The following BTBD1 variants were observed in gnomAD, a reference collection of about 807,000 sequenced individuals.
BTBD1 encodes BTB/POZ domain-containing protein 1.
In BTBD1, 34 loss-of-function variants were observed where a neutral mutation model predicts 48.0. The ratio of observed to expected loss-of-function variants is 0.71; its 90% CI spans 0.54 to 0.94. The LOEUF is 0.94. Among genes scored for constraint, BTBD1 ranks in the 40% least tolerant of loss-of-function variants. BTBD1 has a pLI of 0.00. For synonymous variants in BTBD1, 261 were observed against 242.1 expected (o/e 1.08, Z -0.72); for missense variants, 543 against 625.6 (o/e 0.87, Z 1.41).
chr15:83,024,099 G>A (rs1202177351), intron 5 of BTBD1: 1 of 152,064 alleles, frequency 6.6e-6, no homozygotes, highest in Non-Finnish European at 1.5e-5. Flanking sequence ...TGGAACTCCT[G>A]AGCGCAACAG....
intron 2 of BTBD1, among the ~76,000 whole-genome samples, chr15:83,051,570 C>A (rs2032982615): frequency 6.6e-6 from 1 of 150,810 alleles, no homozygotes; most frequent in South Asian, 2.1e-4. Context: ...CTAGATTATA[C>A]ACTGAGCCTG....
At chr15:83,026,749 C>T (rs1255354963) in intron 5 of BTBD1, among the ~76,000 whole-genome samples, 1 of 151,828 alleles carries the variant, frequency 6.6e-6, no homozygotes, top group African/African-American at 2.4e-5. Flanking sequence ...CTCGAGCTCC[C>T]GACCTGAGGT....
intron 5 of BTBD1, among the ~76,000 whole-genome samples, chr15:83,029,020 A>G (rs942483344): frequency 6.6e-6 from 1 of 152,052 alleles, no homozygotes; most frequent in Admixed American, 6.6e-5. Flanking sequence ...TGAATGCTTA[A>G]ATCATTTATT....
At chr15:83,029,530 T>A (rs1321379248) in intron 5 of BTBD1, 1 of 152,060 alleles carries the variant, frequency 6.6e-6, no homozygotes, top group Non-Finnish European at 1.5e-5. Context: ...TAACGTTTGA[T>A]CAATTAAGGT....
At chr15:83,055,029 T>C (rs2033059185) in intron 2 of BTBD1, among the ~76,000 whole-genome samples, 1 of 152,184 alleles carries the variant, frequency 6.6e-6, no homozygotes, top group African/African-American at 2.4e-5. Context: ...TCAATAATTA[T>C]TTCCAGTACT....
chr15:83,021,685 A>T (rs12913130), intron 5 of BTBD1, among the ~76,000 whole-genome samples: 64,250 of 151,298 alleles, frequency 0.42, 14,184 homozygotes, highest in Middle Eastern at 0.53. Context: ...ACCTGGGAGA[A>T]GGAAGCTGCA....
chr15:83,049,455 C>T (rs112117790), intron 3 of BTBD1, among the ~76,000 whole-genome samples: 2 of 152,182 alleles, frequency 1.3e-5, no homozygotes, highest in African/African-American at 4.8e-5. Flanking sequence ...ATATCAGAAC[C>T]TCCTCTGTCA....
chr15:83,056,863 A>G (rs150985160), intron 1 of BTBD1, among the ~76,000 whole-genome samples: 459 of 152,000 alleles, frequency 3.0e-3, no homozygotes, highest in Non-Finnish European at 4.8e-3. Flanking sequence ...ACACCTGGCT[A>G]ATTTTTTATT....
At chr15:83,023,513 G>A (rs1276551147) in intron 5 of BTBD1, among the ~76,000 whole-genome samples, 1 of 151,888 alleles carries the variant, frequency 6.6e-6, no homozygotes. Flanking sequence ...CTGAGTATCT[G>A]GGACCACAGG....
Position 83,030,213 on chromosome 15 carries a change from C to G in BTBD1, c.978G>C (p.Arg326Ser). 1 of 1,614,062 alleles carries G rather than the reference C, an allele frequency of 6.2e-7. No homozygotes were observed. The highest frequency in any genetic ancestry group is 1.3e-5 in the African/African-American group (1 of 74,968). Residue 326 changes from arginine (R) to serine (S), a missense_variant, in exon 5 of 8, where the codon AGG (arginine) becomes AGC (serine). This residue lies in a region of BTBD1 where 300 missense variants were observed against 350.0 expected (regional missense o/e 0.86). Coordinates refer to ENST00000261721, the MANE Select transcript of BTBD1 (RefSeq NM_025238.4). ...EYIDRPRCCL[R>S]GKECCINRFQ... is the part of the protein sequence containing the mutation. ...ATCTATTGATGCAGCATTCCTTTCC[C>G]CTGAGACAGCATCTTGGTCGGTCAA...
At chr15:83,031,832 T>C (rs977900939) in intron 4 of BTBD1, among the ~76,000 whole-genome samples, 14 of 151,258 alleles carry the variant, frequency 9.3e-5, no homozygotes, top group Admixed American at 3.9e-4. Flanking sequence ...AAAATGCTCA[T>C]CACTGATTAT....
intron 4 of BTBD1, among the ~76,000 whole-genome samples, chr15:83,038,920 A>G (rs145337618): frequency 1.3e-5 from 2 of 152,194 alleles, no homozygotes; most frequent in Non-Finnish European, 2.9e-5. Context: ...ACCTCAAACT[A>G]TAAGAATCCT....
rs114797748 is a variant in BTBD1 at position 83,038,557 on chromosome 15, T to C, written c.862+3171A>G. Among the ~76,000 whole-genome samples, 1,515 of 151,810 alleles carry C rather than the reference T, an allele frequency of 1.0e-2. 23 individuals carry two copies. Among genetic ancestry groups the C allele is most frequent in the African/African-American group, 0.035 (1,447 of 41,390 alleles). On this transcript the variant is annotated intron_variant, in intron 4 of 7. Coordinates refer to ENST00000261721, the MANE Select transcript of BTBD1 (RefSeq NM_025238.4). Reference sequence around the variant, plus strand: ...AGAACTAGAAAAATATTCTAAAATATGCATGGAACAAAAAAAAAGCCTAAA... The same window carrying C: ...AGAACTAGAAAAATATTCTAAAATACGCATGGAACAAAAAAAAAGCCTAAA...
In BTBD1 at chr15:83,033,060, C is replaced by A. The variant is rs1294046136; in HGVS notation, c.863-2732G>T. 4.6e-5 allele frequency among the ~76,000 whole-genome samples: 7 copies of A among 150,742 alleles called. No homozygotes were observed. The East Asian group carries it at 1.4e-3, about 29-fold the overall frequency. ...TTGAGCTTTCTACCCAGAAAAATAT[C>A]CTTCAAAAATGAAGGCAAGCTGGGC... On this transcript the variant is annotated intron_variant, in intron 4 of 7. Transcript: ENST00000261721.
Position 83,041,812 on chromosome 15 carries a change from T to C in BTBD1, c.778A>G (p.Thr260Ala). The C allele has an allele frequency of 6.2e-7, 1 of 1,614,204 alleles. No individual in the cohort carries two copies. Residue 260 changes from threonine to alanine, a missense_variant, in exon 4 of 8, where the codon ACT (threonine) becomes GCT (alanine). This residue lies in a region of BTBD1 where 300 missense variants were observed against 350.0 expected (regional missense o/e 0.86). Coordinates refer to ENST00000261721, the MANE Select transcript of BTBD1 (RefSeq NM_025238.4). ...AGAACTTTTTGTTTATTCCCAAAAG[T>C]CACAGGTAATTGTTGTCTCTGACAT... Reference protein sequence around the residue: ...AECQRQQLPVTFGNKQKVLGK... With the variant: ...AECQRQQLPVAFGNKQKVLGK...
chr15:83,026,649 A>G (rs192734423), intron 5 of BTBD1, among the ~76,000 whole-genome samples: 80 of 151,276 alleles, frequency 5.3e-4, no homozygotes, highest in African/African-American at 1.9e-3. Context: ...CAGCCTCCCA[A>G]GTAGCTGGTA....
At chr15:83,043,591 A>G (rs531992142) in intron 3 of BTBD1, among the ~76,000 whole-genome samples, 2 of 152,262 alleles carry the variant, frequency 1.3e-5, no homozygotes, top group African/African-American at 4.8e-5. Context: ...CTGGACAAGG[A>G]GGGTAGCAGT....
At chr15:83,050,251 A>G (rs2032954118) in intron 2 of BTBD1, 73 bp from the exon 3 acceptor site, 8 of 863,882 alleles carry the variant, frequency 9.3e-6, no homozygotes, top group African/African-American at 3.4e-5. Context: ...TTTGAAATTA[A>G]TATTGTCAAC....
chr15:83,048,664 G>A (rs1410721163), intron 3 of BTBD1, among the ~76,000 whole-genome samples: 1 of 152,112 alleles, frequency 6.6e-6, no homozygotes, highest in Non-Finnish European at 1.5e-5. Context: ...TGGAAACTGT[G>A]ACTTCAAATG....
Sources: gnomAD v4.1 joint callset for allele counts (sites outside exome capture counted in the v4.1 genomes callset) on GRCh38, gnomAD v4.1.1 for gene constraint, gnomAD v4.1.1 regional missense constraint, MANE v1.5 for transcripts, NCBI Gene and HGNC (gene_info 2026-07-23, HGNC 2026-07-21) for gene names.